Variants in SAR1B observed in about 807,000 individuals in gnomAD.
SAR1B encodes secretion associated Ras related GTPase 1B, also known as small COPII coat GTPase SAR1B.
A neutral mutation model predicts 26.8 loss-of-function variants in SAR1B; 23 were observed. That is an observed-to-expected ratio of 0.86 (90% CI 0.62 to 1.22). The LOEUF (loss-of-function observed/expected upper bound fraction) is 1.22, where lower values mean the gene tolerates loss of function less well. SAR1B is among the 50% of genes most tolerant of loss of function. The pLI is 0.00. For synonymous variants in SAR1B, 65 were observed against 80.8 expected, an observed-to-expected ratio of 0.80 and a Z score of 1.05; for missense variants, 196 against 232.8, an observed-to-expected ratio of 0.84 and a Z score of 1.03.
chr5:134,621,201 G>C (rs1765401736), intron 2 of SAR1B, 149 bp from the exon 3 acceptor site: 2 of 848,890 alleles, frequency 2.4e-6, no homozygotes, highest in African/African-American at 3.4e-5. Flanking sequence ...CGGGCACGGT[G>C]GCTCACACCT....
At chr5:134,612,639 T>G in intron 4 of SAR1B, 52 bp downstream of exon 4, 1 of 974,396 alleles carries the variant, frequency 1.0e-6, no homozygotes. Context: ...AGTGAGCCTG[T>G]CTAAAAAAAA....
In SAR1B at chr5:134,630,640, G is replaced by C. The variant is rs1035058953; in HGVS notation, c.-19+2088C>G. ...TCTACTAAAAATACAAAAATCAGCAGGATGTGGTGGTGCATGCCTGTAATC... is the reference window on the plus strand; with the variant it reads ...TCTACTAAAAATACAAAAATCAGCACGATGTGGTGGTGCATGCCTGTAATC... On this transcript the variant is annotated intron_variant, in intron 1 of 6. Transcript: ENST00000402673. 1.3e-5 allele frequency among the ~76,000 whole-genome samples: 2 copies of C among 150,890 alleles called. 1 individual carries two copies. Among genetic ancestry groups the C allele is most frequent in the Non-Finnish European group, 3.0e-5 (2 of 67,750 alleles).
At chr5:134,627,315 T>C (rs1412088971) in intron 1 of SAR1B, among the ~76,000 whole-genome samples, 2 of 151,142 alleles carry the variant, frequency 1.3e-5, no homozygotes, top group Non-Finnish European at 3.0e-5. Flanking sequence ...CCTCCCAAAG[T>C]GTTGGGATTA....
Position 134,623,932 on chromosome 5 carries a change from T to C in SAR1B, c.58+30A>G, listed in dbSNP as rs1318650201. On this transcript the variant is annotated intron_variant, in intron 2 of 6. Coordinates refer to ENST00000402673, the MANE Select transcript of SAR1B (RefSeq NM_016103.4). Reference sequence around the variant, plus strand: ...ATTAAATAAATAAGACCAAAGGGGATAACTGTAGAGAACAAAGGACCAACA... The same window carrying C: ...ATTAAATAAATAAGACCAAAGGGGACAACTGTAGAGAACAAAGGACCAACA... The C allele has an allele frequency of 2.7e-6, 4 of 1,460,524 alleles. No individual in the cohort carries two copies. In the Admixed American group the frequency reaches 5.0e-5, roughly 18 times the overall value. 90.5% of individuals were successfully genotyped at this position (1,460,524 alleles called of 1,614,324 possible). A position where few individuals can be genotyped will look rare whatever the true frequency, so the allele number is the denominator to read the frequency against.
chr5:134,627,755 C>T (rs957432283), intron 1 of SAR1B, among the ~76,000 whole-genome samples: 40 of 148,992 alleles, frequency 2.7e-4, no homozygotes, highest in East Asian at 1.6e-3. Flanking sequence ...GCCGAGATTG[C>T]GCCACTGCAC....
intron 3 of SAR1B, chr5:134,613,298 G>A (rs1439402838): frequency 3.3e-5 from 5 of 153,106 alleles, no homozygotes; most frequent in Admixed American, 2.6e-4. Flanking sequence ...GCTGGCAAGT[G>A]TACCCTTTCT....
At chr5:134,610,284 T>C (rs1765192048) in intron 4 of SAR1B, among the ~76,000 whole-genome samples, 1 of 151,890 alleles carries the variant, frequency 6.6e-6, no homozygotes, top group Non-Finnish European at 1.5e-5. Flanking sequence ...CTGGACAACA[T>C]AGTGAAACCT....
chr5:134,603,041 G>A lies in SAR1B; in HGVS notation c.*3909C>T, dbSNP rs1202004501. ...ATTAATTTTGCATTAAGAAACTTAT[G>A]TTTGCTAATTTCTATTTTTTCATTG... On this transcript the variant is annotated 3_prime_UTR_variant, in exon 7 of 7. Coordinates refer to ENST00000402673, the MANE Select transcript of SAR1B (RefSeq NM_016103.4). 1 of 152,082 alleles carries A rather than the reference G, an allele frequency of 6.6e-6. No individual in the cohort carries two copies. The highest frequency in any genetic ancestry group is 1.5e-5 in the Non-Finnish European group (1 of 68,024). 9.4% of individuals were successfully genotyped at this position (152,082 alleles called of 1,614,324 possible).
intron 3 of SAR1B, among the ~76,000 whole-genome samples, chr5:134,615,322 T>C (rs1477788451): frequency 1.4e-5 from 2 of 140,562 alleles, no homozygotes; most frequent in East Asian, 4.2e-4. Context: ...CACTCCAGCC[T>C]GGGGAACAGA....
At chr5:134,609,218 A>G in intron 5 of SAR1B, 1 of 421,186 alleles carries the variant, frequency 2.4e-6, no homozygotes. Context: ...TATCATTTCC[A>G]GGCTGTGGCT....
intron 6 of SAR1B, among the ~76,000 whole-genome samples, chr5:134,607,873 T>C (rs1765154867): frequency 6.6e-6 from 1 of 152,218 alleles, no homozygotes; most frequent in Non-Finnish European, 1.5e-5. Context: ...CTGGGGTTCT[T>C]CCACTGTTTA....
chr5:134,607,424 T>C (rs747100023), intron 6 of SAR1B, among the ~76,000 whole-genome samples: 2 of 152,186 alleles, frequency 1.3e-5, no homozygotes, highest in Non-Finnish European at 2.9e-5. Flanking sequence ...AATATCAAGC[T>C]AATTTATAAA....
chr5:134,629,528 C>T lies in SAR1B; in HGVS notation c.-19+3200G>A, dbSNP rs113006219. Among the ~76,000 whole-genome samples, 559 of 152,134 alleles carry T rather than the reference C, an allele frequency of 3.7e-3. 3 individuals carry two copies. Among genetic ancestry groups the T allele is most frequent in the African/African-American group, 0.013 (535 of 41,516 alleles). On this transcript the variant is annotated intron_variant, in intron 1 of 6. Transcript: ENST00000402673. ...CCTGACTAACATGGTAAAACACCTT[C>T]TCTACTAAAAATACAAAAATTAGCT...
At chr5:134,627,965 C>A (rs78850193) in intron 1 of SAR1B, among the ~76,000 whole-genome samples, 9 of 151,572 alleles carry the variant, frequency 5.9e-5, no homozygotes, top group Admixed American at 4.0e-4. Context: ...CATGGAGAAA[C>A]CCCATCTCTA....
At chr5:134,607,246 ACT>A (rs1189631599) in intron 6 of SAR1B, among the ~76,000 whole-genome samples, 180 bp from the exon 7 acceptor site, 1 of 152,058 alleles carries the variant, frequency 6.6e-6, no homozygotes, top group African/African-American at 2.4e-5. Flanking sequence ...TCCTTCTCTC[ACT>A]CTACCTTAGG....
At chr5:134,625,549 C>G (rs1765480756) in intron 1 of SAR1B, among the ~76,000 whole-genome samples, 1 of 152,120 alleles carries the variant, frequency 6.6e-6, no homozygotes, top group Non-Finnish European at 1.5e-5. Context: ...GAAAAAGTCT[C>G]TAAGCCAAAA....
intron 1 of SAR1B, among the ~76,000 whole-genome samples, chr5:134,627,672 G>A (rs1395178975): frequency 2.0e-5 from 3 of 151,692 alleles, no homozygotes; most frequent in Non-Finnish European, 2.9e-5. Flanking sequence ...GGTAGTGGAC[G>A]CCTGTAGTCC....
At chr5:134,612,366 G>A (rs986269505) in intron 4 of SAR1B, among the ~76,000 whole-genome samples, 2 of 152,020 alleles carry the variant, frequency 1.3e-5, no homozygotes, top group African/African-American at 4.8e-5. Context: ...TGCGTGACTA[G>A]AATGAGATTT....
At chr5:134,622,844 G>A (rs139463917) in intron 2 of SAR1B, among the ~76,000 whole-genome samples, 1 of 151,754 alleles carries the variant, frequency 6.6e-6, no homozygotes, top group African/African-American at 2.4e-5. Context: ...CAAGGAGGCC[G>A]GGCACAGTGG....
Sources: gnomAD v4.1 joint callset for allele counts (sites outside exome capture counted in the v4.1 genomes callset) on GRCh38, gnomAD v4.1.1 for gene constraint, MANE v1.5 for transcripts, NCBI Gene and HGNC (gene_info 2026-07-23, HGNC 2026-07-21) for gene names.